SEPSECS: variants seen among roughly 807,000 people sequenced by gnomAD.
The protein encoded by SEPSECS is O-phosphoseryl-tRNA(Sec) selenium transferase.
In SEPSECS, 42 loss-of-function variants were observed where a neutral mutation model predicts 52.1. That is an observed-to-expected ratio of 0.81 (90% CI 0.63 to 1.04). The LOEUF is 1.04. SEPSECS is among the 50% of genes least tolerant of loss of function. The pLI is 0.00. For synonymous variants in SEPSECS, 216 were observed against 211.4 expected, an observed-to-expected ratio of 1.02 and a Z score of -0.19; for missense variants, 590 against 610.6, an observed-to-expected ratio of 0.97 and a Z score of 0.36.
chr4:25,138,591 A>C (rs984608041), intron 8 of SEPSECS, among the ~76,000 whole-genome samples: 2 of 152,134 alleles, frequency 1.3e-5, no homozygotes, highest in African/African-American at 4.8e-5. Context: ...AAAAGATCAG[A>C]AATAAACACA....
At chr4:25,128,575 T>C (rs1214941427) in intron 8 of SEPSECS, among the ~76,000 whole-genome samples, 1 of 152,174 alleles carries the variant, frequency 6.6e-6, no homozygotes, top group East Asian at 1.9e-4. Flanking sequence ...ATGTCACATG[T>C]ATATAAGTGG....
At chr4:25,142,720 C>G (rs1421956074) in intron 8 of SEPSECS, among the ~76,000 whole-genome samples, 2 of 152,140 alleles carry the variant, frequency 1.3e-5, no homozygotes, top group African/African-American at 4.8e-5. Context: ...TAACATGAAA[C>G]TGAAGAGACC....
At chr4:25,153,100 A>G (rs938014785) in intron 5 of SEPSECS, among the ~76,000 whole-genome samples, 12 of 152,028 alleles carry the variant, frequency 7.9e-5, no homozygotes, top group African/African-American at 2.9e-4. Context: ...AAAACAAGTT[A>G]TCAATTTGCT....
At chr4:25,155,282 TA>T (rs1165139172) in intron 4 of SEPSECS, 131 bp from the exon 5 acceptor site, 1 of 977,768 alleles carries the variant, frequency 1.0e-6, no homozygotes, top group Non-Finnish European at 1.6e-6. Flanking sequence ...CTTCCTCTGG[TA>T]ATAAATACAC....
rs146539065 is a variant in SEPSECS at position 25,145,092 on chromosome 4, C to T, written c.846G>A (p.Leu282=). Residue 282 remains leucine (L), a synonymous_variant, in exon 7 of 11, where the codon TTG becomes TTA. Transcript: ENST00000382103. ...VGRIDAFVQS[L]DKNFMVPVGG... The stretch of plus-strand genomic sequence containing the variant: ...CTACTGGAACCATAAAATTTTTGTC[C>T]AAGCTCTGAACAAAAGCATCTATTC... 6.5e-5 allele frequency: 105 copies of T among 1,613,808 alleles called. No individual in the cohort carries two copies. The highest frequency in any genetic ancestry group is 8.4e-5 in the Non-Finnish European group (99 of 1,179,878).
In SEPSECS at chr4:25,123,831, A is replaced by G. The variant is rs1225486973; in HGVS notation, c.*100T>C. The stretch of plus-strand genomic sequence containing the variant: ...GCTCCTTGACTGAATATTCCCATGA[A>G]ATTCTCAATTCAAAAATCTCAAGTC... On this transcript the variant is annotated 3_prime_UTR_variant, in exon 11 of 11. Coordinates refer to ENST00000382103, the MANE Select transcript of SEPSECS (RefSeq NM_016955.4). 9.4e-7 allele frequency: 1 copy of G among 1,062,630 alleles called. No individual in the cohort carries two copies. The highest frequency in any genetic ancestry group is 1.4e-6 in the Non-Finnish European group (1 of 692,348). The allele number at this position is 1,062,630 out of a possible 1,614,324, so 65.8% of individuals were successfully genotyped here. A position where few individuals can be genotyped will look rare whatever the true frequency, so the allele number is the denominator to read the frequency against.
At chr4:25,153,163 C>T (rs1712410905) in intron 5 of SEPSECS, among the ~76,000 whole-genome samples, 1 of 151,670 alleles carries the variant, frequency 6.6e-6, no homozygotes, top group African/African-American at 2.4e-5. Flanking sequence ...TTTCACAAAC[C>T]CTACAAATTG....
intron 2 of SEPSECS, among the ~76,000 whole-genome samples, chr4:25,158,155 T>C (rs1034255487): frequency 1.7e-4 from 26 of 152,216 alleles, no homozygotes; most frequent in African/African-American, 6.3e-4. Flanking sequence ...TACAAAACAT[T>C]TCTTACATAT....
chr4:25,141,031 G>A (rs1729043563), intron 8 of SEPSECS, among the ~76,000 whole-genome samples: 1 of 152,058 alleles, frequency 6.6e-6, no homozygotes, highest in African/African-American at 2.4e-5. Context: ...ATTGTATTCA[G>A]TATTATAAGT....
chr4:25,140,189 T>A (rs1232374894), intron 8 of SEPSECS, among the ~76,000 whole-genome samples: 1 of 152,180 alleles, frequency 6.6e-6, no homozygotes, highest in Non-Finnish European at 1.5e-5. Context: ...GCCCACCATA[T>A]GAAAGAGGAG....
intron 6 of SEPSECS, among the ~76,000 whole-genome samples, chr4:25,150,384 T>A (rs1712225906): frequency 6.6e-6 from 1 of 152,202 alleles, no homozygotes; most frequent in African/African-American, 2.4e-5. Context: ...TTATTAATTG[T>A]CCATTACGTA....
At position 25,142,443 on chromosome 4, in the gene SEPSECS, A is replaced by C. The variant is rs6837713; in HGVS notation, c.1026+2331T>G. Among the ~76,000 whole-genome samples the C allele has an allele frequency of 5.1e-3, 781 of 152,274 alleles. 7 individuals carry two copies. The highest frequency in any genetic ancestry group is 0.018 in the African/African-American group (731 of 41,558). On this transcript the variant is annotated intron_variant, in intron 8 of 10. Transcript: ENST00000382103. The stretch of plus-strand genomic sequence containing the variant: ...AATTTCTATATTATGTTGCCTGTTT[A>C]TTGCTGGTTTCCCCCATAGGCAATG...
chr4:25,153,285 G>A (rs575852401), intron 5 of SEPSECS, among the ~76,000 whole-genome samples: 7 of 151,896 alleles, frequency 4.6e-5, no homozygotes, highest in Non-Finnish European at 8.9e-5. Flanking sequence ...ACTTTCATAT[G>A]TGTGTGTTCT....
chr4:25,125,770 T>C lies in SEPSECS; in HGVS notation c.1135A>G (p.Thr379Ala). 3 of 1,612,022 alleles carry C rather than the reference T, an allele frequency of 1.9e-6. No individual in the cohort carries two copies. The South Asian group carries it at 3.3e-5, about 18-fold the overall frequency. Residue 379 changes from threonine (T) to alanine (A), a missense_variant, in exon 10 of 11, where the codon ACA becomes GCA. Transcript: ENST00000382103. ...NPISLAMTLKTLDEHRDKAVT... is the reference protein window; with the variant it reads ...NPISLAMTLKALDEHRDKAVT... ...GCTTTGTCACGGTGTTCATCTAGTG[T>C]TTTAAGTGTCATAGCTGAAAAAGAA...
chr4:25,155,110 C>T lies in SEPSECS; in HGVS notation c.589G>A (p.Glu197Lys), dbSNP rs1469760421. 1.2e-6 allele frequency: 2 copies of T among 1,614,096 alleles called. No homozygotes were observed. The highest frequency in any genetic ancestry group is 1.7e-6 in the Non-Finnish European group (2 of 1,179,998). ...ACTGCTTTCAGGTCTGTACGCAGCTCGTCACCTTCCAAAACATTTTCTATC... is the reference window on the plus strand; with the variant it reads ...ACTGCTTTCAGGTCTGTACGCAGCTTGTCACCTTCCAAAACATTTTCTATC... ...VVIENVLEGD[E>K]LRTDLKAVEA... is the part of the protein sequence containing the mutation. Residue 197 changes from glutamate (E) to lysine (K), a missense_variant, in exon 5 of 11, where the codon GAG becomes AAG. Physicochemically the swap from Glu to Lys is moderately conservative, Grantham distance 56. Coordinates refer to ENST00000382103, the MANE Select transcript of SEPSECS (RefSeq NM_016955.4).
At chr4:25,132,779 C>A (rs1728664284) in intron 8 of SEPSECS, among the ~76,000 whole-genome samples, 1 of 152,174 alleles carries the variant, frequency 6.6e-6, no homozygotes, top group Non-Finnish European at 1.5e-5. Context: ...ACAAGATCAT[C>A]ATCTTTATGG....
At chr4:25,126,133 A>G (rs1728355272) in intron 9 of SEPSECS, among the ~76,000 whole-genome samples, 1 of 152,170 alleles carries the variant, frequency 6.6e-6, no homozygotes, top group African/African-American at 2.4e-5. Flanking sequence ...ATATTTCAGT[A>G]CATATATAAA....
chr4:25,148,579 T>C (rs1250474804), intron 6 of SEPSECS, among the ~76,000 whole-genome samples: 4 of 152,126 alleles, frequency 2.6e-5, no homozygotes, highest in African/African-American at 4.8e-5. Context: ...TTGGGAAAAA[T>C]AGAATGTTTA....
At chr4:25,138,206 C>T (rs911847993) in intron 8 of SEPSECS, among the ~76,000 whole-genome samples, 2 of 151,938 alleles carry the variant, frequency 1.3e-5, no homozygotes, top group Non-Finnish European at 2.9e-5. Context: ...GTACATGTAC[C>T]CCAGAACCTA....
Sources: gnomAD v4.1 joint callset for allele counts (sites outside exome capture counted in the v4.1 genomes callset) on GRCh38, gnomAD v4.1.1 for gene constraint, MANE v1.5 for transcripts, NCBI Gene and HGNC (gene_info 2026-07-23, HGNC 2026-07-21) for gene names.